Variants in CDC7 observed in about 807,000 individuals in gnomAD.
The protein encoded by CDC7 is cell division cycle 7.
In CDC7, 34 loss-of-function variants were observed where a neutral mutation model predicts 53.5. That is an observed-to-expected ratio of 0.64 (90% CI 0.48 to 0.85). The LOEUF is 0.85. Ranked by LOEUF, CDC7 falls within the 40% of genes least tolerant of loss-of-function variation. The pLI is 0.00. For synonymous variants in CDC7, 211 were observed against 222.8 expected (o/e 0.95, Z 0.47); for missense variants, 594 against 679.7 (o/e 0.87, Z 1.40).
chr1:91,507,215 G>A (rs1667039495), intron 2 of CDC7, among the ~76,000 whole-genome samples: 2 of 152,242 alleles, frequency 1.3e-5, no homozygotes, highest in African/African-American at 4.8e-5. Context: ...GTTCTCTTCT[G>A]TATCCAGTAG....
intron 10 of CDC7, among the ~76,000 whole-genome samples, chr1:91,519,624 A>ATTT (rs1667811296): frequency 6.6e-6 from 1 of 152,224 alleles, no homozygotes; most frequent in South Asian, 2.1e-4. Context: ...TCACAAAAAA[A>ATTT]TAAAAAAGTA....
rs1200092980 is a variant in CDC7, at chr1:91,524,281, G to A, written c.1571G>A (p.Cys524Tyr). ...GGGGATAGTAATAGCTGTGAGCATT[G>A]TTTTGATGAGTATAATACCAATTTA... Reference protein sequence around the residue: ...KKGDSNSCEHCFDEYNTNLEG... With the variant: ...KKGDSNSCEHYFDEYNTNLEG... Residue 524 changes from cysteine (C) to tyrosine (Y), a missense_variant, in exon 12 of 12, where the codon TGT (cysteine) becomes TAT (tyrosine). By Grantham distance (194) the Cys-to-Tyr change is radical. Transcript: ENST00000234626. 6.2e-7 allele frequency: 1 copy of A among 1,613,938 alleles called. No homozygotes were observed. The highest frequency in any genetic ancestry group is 8.5e-7 in the Non-Finnish European group (1 of 1,179,970).
At chr1:91,523,362 T>G (rs13447553) in intron 11 of CDC7, among the ~76,000 whole-genome samples, 16,738 of 152,256 alleles carry the variant, frequency 0.11, 1,201 homozygotes, top group Non-Finnish European at 0.16. Context: ...AATGCCTTTT[T>G]GTCTAGTCCA....
At position 91,511,851 on chromosome 1, in the gene CDC7, G is replaced by T. The variant is rs763649740; in HGVS notation, c.500G>T (p.Arg167Leu). The T allele has an allele frequency of 2.5e-6, 4 of 1,604,702 alleles. No individual in the cohort carries two copies. The highest frequency in any genetic ancestry group is 3.4e-6 in the Non-Finnish European group (4 of 1,172,912). Residue 167 changes from arginine (R) to leucine (L), a missense_variant, in exon 6 of 12, where the codon CGC becomes CTC. Coordinates refer to ENST00000234626, the MANE Select transcript of CDC7 (RefSeq NM_003503.4). ...CTTAATCTGTTCAAAGCTTTGAAAC[G>T]CATTCATCAGTTTGGTATTGTTCAC... ...YMLNLFKALK[R>L]IHQFGIVHRD...
In CDC7 at chr1:91,510,010, T is replaced by G. The variant is rs1478158751; in HGVS notation, c.336-1587T>G. ...TGGGAGGATTGCTTGAGGCCAGGAG[T>G]TTGAGACCTGCCTGGGCAACCTAGC... is the stretch of plus-strand genomic sequence containing the variant. On this transcript the variant is annotated intron_variant, in intron 4 of 11. Coordinates refer to ENST00000234626, the MANE Select transcript of CDC7 (RefSeq NM_003503.4). Among the ~76,000 whole-genome samples, 3 of 152,078 alleles carry G rather than the reference T, an allele frequency of 2.0e-5. No homozygotes were observed. In the East Asian group the frequency reaches 5.8e-4, roughly 29 times the overall value.
At chr1:91,512,952 A>G in intron 6 of CDC7, 106 bp from the exon 7 acceptor site, 2 of 936,124 alleles carry the variant, frequency 2.1e-6, no homozygotes, top group Non-Finnish European at 3.1e-6. Context: ...TTCCTAATTG[A>G]TCCCAAAAAG....
chr1:91,501,986 T>C (rs568997930), intron 2 of CDC7, among the ~76,000 whole-genome samples, 155 bp downstream of exon 2: 1 of 152,366 alleles, frequency 6.6e-6, no homozygotes, highest in Admixed American at 6.5e-5. Flanking sequence ...ATGATCTAAA[T>C]GTAGGACTGA....
chr1:91,519,346 T>TTGAACCTGG (rs1267377563), intron 10 of CDC7, among the ~76,000 whole-genome samples: 1 of 151,602 alleles, frequency 6.6e-6, no homozygotes, highest in African/African-American at 2.4e-5. Context: ...TGAGAATTGC[T>TTGAACCTGG]TGAACCTGGG....
Position 91,513,059 on chromosome 1 carries a change from T to G in CDC7, c.574T>G (p.Tyr192Asp). ...AAAATGCTTAATTTTGTCTCTTAGG[T>G]ATGCCTTGGTAGACTTTGGTTTGGC... The part of the protein sequence containing the change: ...NFLYNRRLKK[Y>D]ALVDFGLAQG... The change falls in exon 7 of 12, where the codon TAT becomes GAT. Residue 192 changes from tyrosine (Y) to aspartate (D), a missense_variant and splice_region_variant. By Grantham distance (160) the Tyr-to-Asp change is radical. Transcript: ENST00000234626. The G allele has an allele frequency of 1.2e-6, 2 of 1,612,896 alleles. No individual in the cohort carries two copies. Among genetic ancestry groups the G allele is most frequent in the Non-Finnish European group, 1.7e-6 (2 of 1,179,284 alleles).
intron 11 of CDC7, among the ~76,000 whole-genome samples, chr1:91,521,809 ATC>A (rs1667961276): frequency 6.6e-6 from 1 of 152,128 alleles, no homozygotes; most frequent in Admixed American, 6.6e-5. Context: ...AATACTCTAG[ATC>A]AAGTGCCATG....
chr1:91,511,528 A>T, intron 4 of CDC7, 69 bp from the exon 5 acceptor site: 3 of 1,007,518 alleles, frequency 3.0e-6, no homozygotes, highest in African/African-American at 1.6e-5. Context: ...TGCGGTTTTT[A>T]AAATTAGGCA....
intron 11 of CDC7, among the ~76,000 whole-genome samples, chr1:91,523,520 C>A (rs1475232031): frequency 6.6e-6 from 1 of 152,088 alleles, no homozygotes. Flanking sequence ...TAGTAGAACT[C>A]TCAAGATACA....
At chr1:91,508,475 G>A (rs1667106703) in intron 4 of CDC7, 78 bp downstream of exon 4, 11 of 1,164,520 alleles carry the variant, frequency 9.4e-6, no homozygotes, top group African/African-American at 1.6e-5. Flanking sequence ...GCAGGGATGA[G>A]GGGATTATAT....
At chr1:91,507,280 A>G (rs1471565813) in intron 2 of CDC7, among the ~76,000 whole-genome samples, 4 of 152,216 alleles carry the variant, frequency 2.6e-5, no homozygotes, top group Non-Finnish European at 5.9e-5. Flanking sequence ...ACATTTTTAT[A>G]AAGAACTGAT....
intron 4 of CDC7, among the ~76,000 whole-genome samples, chr1:91,509,255 C>A (rs1667141890): frequency 6.6e-6 from 1 of 151,934 alleles, no homozygotes; most frequent in Non-Finnish European, 1.5e-5. Context: ...TATAGTTAAT[C>A]TCAGACCTTT....
At chr1:91,505,119 G>A (rs1666914492) in intron 2 of CDC7, among the ~76,000 whole-genome samples, 1 of 152,158 alleles carries the variant, frequency 6.6e-6, no homozygotes, top group Non-Finnish European at 1.5e-5. Context: ...TGGTGAAGGA[G>A]TGACCTGTGC....
In CDC7 at chr1:91,513,949, AG is replaced by A; in HGVS notation, c.827del (p.Gly276AspfsTer3). ...TCCTTGTTTTTGTTGGTATTGTAGGAGGGATCTGTAGGCCTTTCTGTCCAGC... is the reference window on the plus strand; with the variant it reads ...TCCTTGTTTTTGTTGGTATTGTAGGAGGATCTGTAGGCCTTTCTGTCCAGC... Reference protein sequence around the residue: ...IQIKQGKDGKEGSVGLSVQRS... With the variant: ...IQIKQGKDGKXGSVGLSVQRS... On this transcript the variant is annotated frameshift_variant and splice_region_variant, in exon 8 of 12. Coordinates refer to ENST00000234626, the MANE Select transcript of CDC7 (RefSeq NM_003503.4). LOFTEE classifies it high-confidence loss of function. 1.2e-6 allele frequency: 2 copies of A among 1,605,040 alleles called. No individual in the cohort carries two copies. Among genetic ancestry groups the A allele is most frequent in the Non-Finnish European group, 1.7e-6 (2 of 1,172,130 alleles).
chr1:91,500,859 G>A lies in CDC7; in HGVS notation c.-153G>A, dbSNP rs1176778092. ...GAGCGGCGGCGGGAAGTGTTGCGCA[G>A]GCGCATCCGATCGACTCGGTAGGTG... On this transcript the variant is annotated 5_prime_UTR_variant, in exon 1 of 12. Transcript: ENST00000234626. The A allele has an allele frequency of 6.6e-6, 1 of 152,286 alleles. No homozygotes were observed. Among genetic ancestry groups the A allele is most frequent in the East Asian group, 1.9e-4 (1 of 5,190 alleles). The allele number at this position is 152,286 out of a possible 1,614,324, so 9.4% of individuals were successfully genotyped here. A position where few individuals can be genotyped will look rare whatever the true frequency, so the allele number is the denominator to read the frequency against.
chr1:91,501,923 C>A, intron 2 of CDC7, 92 bp downstream of exon 2: 1 of 914,872 alleles, frequency 1.1e-6, no homozygotes, highest in Non-Finnish European at 1.7e-6. Context: ...AAGATTGAAT[C>A]TTATAAAGTG....
Sources: gnomAD v4.1 joint callset for allele counts (sites outside exome capture counted in the v4.1 genomes callset) on GRCh38, gnomAD v4.1.1 for gene constraint, MANE v1.5 for transcripts, NCBI Gene and HGNC (gene_info 2026-07-23, HGNC 2026-07-21) for gene names.